ZNF567: variants seen among roughly 807,000 people sequenced by gnomAD.
ZNF567 encodes the protein zinc finger protein 567.
In ZNF567, 36 loss-of-function variants were observed where a neutral mutation model predicts 53.9. The observed-to-expected ratio is 0.67, with a 90% confidence interval of 0.51 to 0.88. The LOEUF (loss-of-function observed/expected upper bound fraction) is 0.88, where lower values mean the gene tolerates loss of function less well. Ranked by LOEUF, ZNF567 falls within the 40% of genes least tolerant of loss-of-function variation. The pLI, the probability that ZNF567 is intolerant of heterozygous loss-of-function variation, is 0.00. For synonymous variants in ZNF567, 224 were observed against 260.4 expected, an observed-to-expected ratio of 0.86 and a Z score of 1.35; for missense variants, 619 against 764.7, an observed-to-expected ratio of 0.81 and a Z score of 2.25.
intron 3 of ZNF567, chr19:36,712,173 T>G (rs532425144): frequency 1.6e-5 from 7 of 428,718 alleles, no homozygotes; most frequent in South Asian, 1.5e-4. Context: ...CAGCCTCCCA[T>G]GTAACTGGGA....
At chr19:36,695,621 C>T (rs1228073575) in intron 3 of ZNF567, among the ~76,000 whole-genome samples, 2 of 151,716 alleles carry the variant, frequency 1.3e-5, no homozygotes, top group African/African-American at 4.8e-5. Context: ...ATGGCTTAAG[C>T]CCAGAGGTCA....
At chr19:36,714,956 T>C (rs1158856937) in intron 5 of ZNF567, among the ~76,000 whole-genome samples, 2 of 152,184 alleles carry the variant, frequency 1.3e-5, no homozygotes, top group African/African-American at 4.8e-5. Flanking sequence ...TACCTTTCAA[T>C]TATAATGATT....
chr19:36,688,093 A>G (rs2038356351), intron 1 of ZNF567, among the ~76,000 whole-genome samples: 2 of 152,114 alleles, frequency 1.3e-5, no homozygotes. Flanking sequence ...TTTAATTTAA[A>G]TTAGATGCGA....
intron 3 of ZNF567, among the ~76,000 whole-genome samples, chr19:36,710,390 T>C (rs548700070): frequency 1.9e-4 from 29 of 151,968 alleles, no homozygotes; most frequent in Admixed American, 2.6e-4. Flanking sequence ...CACTCCTTTT[T>C]GTTTTGTTTT....
chr19:36,686,584 C>G (rs910240974), upstream of ZNF567: 9 of 152,168 alleles, frequency 5.9e-5, no homozygotes, highest in African/African-American at 1.9e-4. Flanking sequence ...CACATGGAAC[C>G]TGACCTCTGA....
At position 36,721,069 on chromosome 19, in the gene ZNF567, TC is replaced by T. The variant is rs1471323898; in HGVS notation, c.*403del. On this transcript the variant is annotated 3_prime_UTR_variant, in exon 6 of 6. Transcript: ENST00000682579. ...TGTTACTTACCTAAGAGTTACCACT[TC>T]CGTAGCCTATAACATCAAAACGTAG... is the stretch of plus-strand genomic sequence containing the variant. The T allele has an allele frequency of 3.3e-5, 5 of 152,892 alleles. No homozygotes were observed. The highest frequency in any genetic ancestry group is 1.2e-4 in the African/African-American group (5 of 41,496). 9.5% of individuals were successfully genotyped at this position (152,892 alleles called of 1,614,324 possible).
At chr19:36,692,106 G>C (rs1214574564) in intron 2 of ZNF567, among the ~76,000 whole-genome samples, 1 of 152,180 alleles carries the variant, frequency 6.6e-6, no homozygotes, top group Non-Finnish European at 1.5e-5. Flanking sequence ...GAATAAAACT[G>C]CTACGAACAT....
chr19:36,692,033 A>T (rs2038643258), intron 2 of ZNF567, among the ~76,000 whole-genome samples: 1 of 152,200 alleles, frequency 6.6e-6, no homozygotes, highest in South Asian at 2.1e-4. Flanking sequence ...GATGGATCAC[A>T]GTTGGTTTGT....
At position 36,712,991 on chromosome 19, in the gene ZNF567, AC is replaced by A. The variant is rs933692402; in HGVS notation, c.223+126del. ...TTTTAAAGGCTCTTGACCTCTGAAA[AC>A]CTTCATGCCTATAAAACTCAAAACC... On this transcript the variant is annotated intron_variant, in intron 5 of 5. Transcript: ENST00000682579. The A allele has an allele frequency of 5.5e-6, 4 of 727,490 alleles. No homozygotes were observed. In the African/African-American group the frequency reaches 7.1e-5, roughly 13 times the overall value. 45.1% of individuals were successfully genotyped at this position (727,490 alleles called of 1,614,324 possible).
upstream of ZNF567, among the ~76,000 whole-genome samples, chr19:36,686,274 G>T (rs2038268195): frequency 6.6e-6 from 1 of 152,186 alleles, no homozygotes; most frequent in Non-Finnish European, 1.5e-5. Context: ...CTCAGCAATG[G>T]TTCCCTTTCC....
chr19:36,725,282 A>C (rs1386119497), downstream of ZNF567, among the ~76,000 whole-genome samples: 7 of 149,970 alleles, frequency 4.7e-5, no homozygotes, highest in African/African-American at 1.7e-4. Flanking sequence ...GGCTCACTGC[A>C]ACCTCCACCT....
At position 36,691,972 on chromosome 19, in the gene ZNF567, C is replaced by T. The variant is rs184813640; in HGVS notation, c.-67+2475C>T. ...ATGTTGCAATTCACTCATATTATTG[C>T]ATGTATCATTGCTTCATTCTTCTTA... is the stretch of plus-strand genomic sequence containing the variant. On this transcript the variant is annotated intron_variant, in intron 2 of 5. Transcript: ENST00000682579. 4.5e-4 allele frequency among the ~76,000 whole-genome samples: 68 copies of T among 152,304 alleles called. 1 individual carries two copies. The highest frequency in any genetic ancestry group is 1.5e-3 in the African/African-American group (64 of 41,560).
At chr19:36,725,008 A>G (rs746323352), downstream of ZNF567, among the ~76,000 whole-genome samples, 4 of 152,046 alleles carry the variant, frequency 2.6e-5, no homozygotes, top group Non-Finnish European at 5.9e-5. Context: ...GGTTTCTTTC[A>G]TTCTTGAACA....
At chr19:36,691,556 T>C (rs1349046863) in intron 2 of ZNF567, among the ~76,000 whole-genome samples, 1 of 152,242 alleles carries the variant, frequency 6.6e-6, no homozygotes. Context: ...TATTTTAATA[T>C]AAGCAAATGT....
intron 3 of ZNF567, among the ~76,000 whole-genome samples, chr19:36,695,358 G>C (rs1320892581): frequency 5.9e-5 from 9 of 152,028 alleles, no homozygotes; most frequent in Admixed American, 1.3e-4. Context: ...GTGAAATGCT[G>C]TCTCTACTAA....
chr19:36,672,257 T>G, the ZNF567 span, among the ~76,000 whole-genome samples: 1 of 152,220 alleles, frequency 6.6e-6, no homozygotes, highest in Non-Finnish European at 1.5e-5. Flanking sequence ...CTGTAGCCAA[T>G]GGTCTGGCTG....
the ZNF567 span, among the ~76,000 whole-genome samples, chr19:36,670,238 C>T: frequency 6.6e-6 from 1 of 151,978 alleles, no homozygotes; most frequent in Non-Finnish European, 1.5e-5. Flanking sequence ...GTGGTTGTAT[C>T]CCCAATACCA....
chr19:36,685,647 A>G (rs1220533654), upstream of ZNF567: 2 of 152,258 alleles, frequency 1.3e-5, no homozygotes, highest in Admixed American at 6.5e-5. Context: ...AAGATACTGT[A>G]TCAGAGAAAT....
At chr19:36,702,423 G>A (rs1403986205) in intron 3 of ZNF567, among the ~76,000 whole-genome samples, 3 of 151,790 alleles carry the variant, frequency 2.0e-5, no homozygotes, top group South Asian at 4.2e-4. Context: ...TCTTCTCGAG[G>A]AGTATCTTTG....
Sources: gnomAD v4.1 joint callset for allele counts (sites outside exome capture counted in the v4.1 genomes callset) on GRCh38, gnomAD v4.1.1 for gene constraint, MANE v1.5 for transcripts, NCBI Gene and HGNC (gene_info 2026-07-23, HGNC 2026-07-21) for gene names.